The following TTLL5 variants were observed in gnomAD, a reference collection of about 807,000 sequenced individuals.
The protein encoded by TTLL5 is tubulin polyglutamylase TTLL5.
Under a neutral mutation model 168.4 loss-of-function variants are expected in TTLL5, and 132 were observed. That is an observed-to-expected ratio of 0.78 (90% CI 0.68 to 0.91). TTLL5 has a LOEUF of 0.91. Ranked by LOEUF, TTLL5 falls within the 40% of genes least tolerant of loss-of-function variation. The probability of loss-of-function intolerance (pLI) is 0.00; values close to 1 mark genes in which losing one functional copy is unlikely to be tolerated. For missense variants in TTLL5, 1,545 were observed against 1,581.5 expected, an observed-to-expected ratio of 0.98 and a Z score of 0.39; for synonymous variants, 546 against 558.6, an observed-to-expected ratio of 0.98 and a Z score of 0.32.
intron 28 of TTLL5, among the ~76,000 whole-genome samples, chr14:75,830,169 A>T (rs926679922): frequency 1.3e-5 from 2 of 152,192 alleles, no homozygotes; most frequent in Non-Finnish European, 2.9e-5. Flanking sequence ...GGTCACTTGG[A>T]TAATTAAAAC....
At chr14:75,890,399 CAT>C (rs1195208980) in intron 30 of TTLL5, among the ~76,000 whole-genome samples, 1 of 152,094 alleles carries the variant, frequency 6.6e-6, no homozygotes, top group East Asian at 1.9e-4. Context: ...AGAAAATAAA[CAT>C]ACTTCTGCCA....
chr14:75,789,661 A>G (rs1421894507), intron 26 of TTLL5, among the ~76,000 whole-genome samples: 1 of 152,224 alleles, frequency 6.6e-6, no homozygotes, highest in Non-Finnish European at 1.5e-5. Context: ...ACATTTAGAA[A>G]GGAAAGGAAG....
chr14:75,746,928 C>T (rs1566586349), intron 17 of TTLL5, among the ~76,000 whole-genome samples: 1 of 152,070 alleles, frequency 6.6e-6, no homozygotes, highest in Non-Finnish European at 1.5e-5. Flanking sequence ...GTTTCTTGTG[C>T]TCGGGATTCA....
rs756287912 is a variant in TTLL5, at chr14:75,757,898, C to T, written c.1550+4943C>T. 6.3e-6 allele frequency: 10 copies of T among 1,581,306 alleles called. No individual in the cohort carries two copies. The African/African-American group carries it at 9.4e-5, about 15-fold the overall frequency. On this transcript the variant is annotated intron_variant, in intron 18 of 31. Coordinates refer to ENST00000298832, the MANE Select transcript of TTLL5 (RefSeq NM_015072.5). The stretch of plus-strand genomic sequence containing the variant: ...ATTGACTTTTAAAAGTTGAGAAATG[C>T]TTTCCATGTGCATAATGTGTGACCA...
intron 3 of TTLL5, among the ~76,000 whole-genome samples, chr14:75,679,504 A>G (rs1400987709): frequency 6.6e-6 from 1 of 152,174 alleles, no homozygotes; most frequent in African/African-American, 2.4e-5. Context: ...TACAACAACA[A>G]ATGTGTTGTA....
At chr14:75,915,410 A>G (rs939941905) in intron 31 of TTLL5, among the ~76,000 whole-genome samples, 18 of 152,134 alleles carry the variant, frequency 1.2e-4, no homozygotes, top group African/African-American at 4.3e-4. Flanking sequence ...TTTTTGCTTC[A>G]CAGGGCCATG....
At chr14:75,885,161 C>T (rs980621410) in intron 30 of TTLL5, among the ~76,000 whole-genome samples, 9 of 148,604 alleles carry the variant, frequency 6.1e-5, no homozygotes, top group African/African-American at 7.5e-5. Flanking sequence ...GGTGACAGAA[C>T]AAGACCCCGT....
At chr14:75,944,658 C>T (rs376685346) in intron 31 of TTLL5, among the ~76,000 whole-genome samples, 2 of 152,224 alleles carry the variant, frequency 1.3e-5, no homozygotes, top group Non-Finnish European at 2.9e-5. Flanking sequence ...CCTACCCCTT[C>T]CCACCACAAC....
At chr14:75,873,867 C>T (rs546844119) in intron 29 of TTLL5, among the ~76,000 whole-genome samples, 59 of 152,092 alleles carry the variant, frequency 3.9e-4, no homozygotes, top group Non-Finnish European at 6.5e-4. Context: ...TTAAACCTTC[C>T]GGGCCAGAAA....
chr14:75,677,390 CTTTTTTTT>C (rs11349214), intron 3 of TTLL5, among the ~76,000 whole-genome samples: 3 of 78,320 alleles, frequency 3.8e-5, no homozygotes, highest in Admixed American at 1.6e-4. Flanking sequence ...CTCTCTCTCT[CTTTTTTTT>C]TTTTTTTTTT....
At chr14:75,720,179 T>C (rs910774107) in intron 11 of TTLL5, among the ~76,000 whole-genome samples, 1 of 152,214 alleles carries the variant, frequency 6.6e-6, no homozygotes, top group African/African-American at 2.4e-5. Context: ...ATCTCTCTCA[T>C]TCATGTTGCT....
intron 27 of TTLL5, among the ~76,000 whole-genome samples, chr14:75,796,664 C>G (rs1424815183): frequency 6.6e-6 from 1 of 152,090 alleles, no homozygotes; most frequent in Non-Finnish European, 1.5e-5. Context: ...ATGCTAGCAC[C>G]ATTTGTTGAA....
intron 6 of TTLL5, among the ~76,000 whole-genome samples, chr14:75,693,659 C>T (rs1159980830): frequency 6.6e-6 from 1 of 152,216 alleles, no homozygotes; most frequent in Non-Finnish European, 1.5e-5. Context: ...TCCAGCCATT[C>T]CCCTCAAGGG....
intron 26 of TTLL5, among the ~76,000 whole-genome samples, chr14:75,792,134 A>G (rs1892761160): frequency 6.7e-6 from 1 of 150,198 alleles, no homozygotes; most frequent in African/African-American, 2.4e-5. Flanking sequence ...TAAATAATAG[A>G]ATGCTCTGAT....
chr14:75,731,562 C>A (rs1173581515), intron 12 of TTLL5, among the ~76,000 whole-genome samples: 1 of 152,140 alleles, frequency 6.6e-6, no homozygotes, highest in African/African-American at 2.4e-5. Flanking sequence ...GTCTTGCTTT[C>A]TCTTTGCAAC....
intron 28 of TTLL5, among the ~76,000 whole-genome samples, chr14:75,861,421 C>T (rs1274090798): frequency 1.3e-5 from 2 of 152,150 alleles, no homozygotes; most frequent in Non-Finnish European, 2.9e-5. Context: ...TTTCACTTTG[C>T]TCCCTCCTTC....
chr14:75,807,334 GCTACT>G (rs1318405880), intron 27 of TTLL5, among the ~76,000 whole-genome samples: 1 of 152,144 alleles, frequency 6.6e-6, no homozygotes, highest in Non-Finnish European at 1.5e-5. Flanking sequence ...TGTAGTCCCA[GCTACT>G]CTGGAGGCTG....
At position 75,954,722 on chromosome 14, in the gene TTLL5, A is replaced by G. The variant is rs1398576720; in HGVS notation, c.*276A>G. 1.2e-5 allele frequency: 6 copies of G among 494,604 alleles called. No homozygotes were observed. The highest frequency in any genetic ancestry group is 2.2e-5 in the Non-Finnish European group (6 of 276,560). 30.6% of individuals were successfully genotyped at this position (494,604 alleles called of 1,614,324 possible). ...ATATACCCCGTCAGAGCACACTTGT[A>G]TCTTTTACCTTCCCTTTGCCCCATG... On this transcript the variant is annotated 3_prime_UTR_variant, in exon 32 of 32. Transcript: ENST00000298832.
At chr14:75,901,692 T>A (rs2032929018) in intron 30 of TTLL5, among the ~76,000 whole-genome samples, 1 of 152,206 alleles carries the variant, frequency 6.6e-6, no homozygotes, top group East Asian at 1.9e-4. Flanking sequence ...GGACACATAA[T>A]CTCTCCTTCC....
Sources: allele counts gnomAD v4.1 joint callset (sites outside exome capture counted in the v4.1 genomes callset), GRCh38; gene constraint gnomAD v4.1.1; transcripts MANE v1.5; gene names NCBI Gene and HGNC (gene_info 2026-07-23, HGNC 2026-07-21).